The following FRY variants were observed in gnomAD, a reference collection of about 807,000 sequenced individuals.
FRY encodes the protein protein furry homolog.
In FRY, 128 loss-of-function variants were observed where a neutral mutation model predicts 348.4. The observed-to-expected ratio is 0.37, with a 90% CI of 0.32 to 0.43. The LOEUF (loss-of-function observed/expected upper bound fraction) is 0.43. FRY is among the 20% of genes least tolerant of loss of function. FRY has a pLI of 1.00. For synonymous variants in FRY, 1,370 were observed against 1,374.7 expected (o/e 1.00, Z 0.08); for missense variants, 2,736 against 3,695.2 (o/e 0.74, Z 6.73).
At chr13:32,169,188 A>G (rs959486526) in intron 17 of FRY, among the ~76,000 whole-genome samples, 3 of 152,084 alleles carry the variant, frequency 2.0e-5, no homozygotes, top group African/African-American at 4.8e-5. Flanking sequence ...TCAGGCCCTC[A>G]CCACTTGTTG....
At chr13:32,160,695 A>G (rs205008) in intron 16 of FRY, among the ~76,000 whole-genome samples, 106,028 of 151,934 alleles carry the variant, frequency 0.7, 37,464 homozygotes, top group East Asian at 0.98. Context: ...CAGGACAAAG[A>G]GCTCTAGGGG....
chr13:32,098,182 A>G (rs1876887482), intron 2 of FRY, among the ~76,000 whole-genome samples: 1 of 152,096 alleles, frequency 6.6e-6, no homozygotes, highest in Non-Finnish European at 1.5e-5. Context: ...ATGTGTATTC[A>G]TCTAAAATAC....
chr13:32,108,969 A>C (rs1211575352), intron 3 of FRY, among the ~76,000 whole-genome samples: 1 of 152,188 alleles, frequency 6.6e-6, no homozygotes, highest in Non-Finnish European at 1.5e-5. Context: ...GGCTGTATGC[A>C]TACCAGTATC....
intron 14 of FRY, among the ~76,000 whole-genome samples, chr13:32,150,749 A>G (rs540413116): frequency 7.2e-5 from 11 of 152,340 alleles, no homozygotes; most frequent in African/African-American, 2.4e-4. Flanking sequence ...TGGCTCCTTC[A>G]TTCTGTCAGT....
At chr13:32,075,939 G>C (rs1875021071) in intron 1 of FRY, among the ~76,000 whole-genome samples, 2 of 152,206 alleles carry the variant, frequency 1.3e-5, no homozygotes. Context: ...GCTCAGTAAG[G>C]CTGTTCATAT....
In FRY at chr13:32,244,179, G is replaced by T. The variant is rs1445659139; in HGVS notation, c.6825G>T (p.Val2275=). 2 of 1,612,940 alleles carry T rather than the reference G, an allele frequency of 1.2e-6. No homozygotes were observed. The highest frequency in any genetic ancestry group is 1.7e-6 in the Non-Finnish European group (2 of 1,179,012). ...TTCTGAAGACAATTGAAAAATATGT[G>T]CAAGTGAGTACTTGGATAACTTCAC... The part of the protein sequence containing the change: ...VEVLKTIEKY[V]QSVHWREALN... The change falls in exon 47 of 61, where the codon GTG becomes GTT. Residue 2275 remains valine, a synonymous_variant. Transcript: ENST00000542859.
In FRY at chr13:32,082,361, A is replaced by T. The variant is rs112114688; in HGVS notation, c.270+3328A>T. Reference sequence around the variant, plus strand: ...GCTCAGGTCATATTCATGAATATTTATGGATAAGTCAATAATTTTATTCTA... The same window carrying T: ...GCTCAGGTCATATTCATGAATATTTTTGGATAAGTCAATAATTTTATTCTA... On this transcript the variant is annotated intron_variant, in intron 2 of 60. Transcript: ENST00000542859. Among the ~76,000 whole-genome samples the T allele has an allele frequency of 3.9e-3, 590 of 152,164 alleles. 3 individuals carry two copies. Among genetic ancestry groups the T allele is most frequent in the African/African-American group, 0.014 (567 of 41,538 alleles).
chr13:32,286,229 T>C (rs1889042787), intron 58 of FRY, among the ~76,000 whole-genome samples: 1 of 152,210 alleles, frequency 6.6e-6, no homozygotes, highest in African/African-American at 2.4e-5. Flanking sequence ...AAACCGATGA[T>C]AACTCAGATA....
At chr13:32,093,494 C>T (rs929866788) in intron 2 of FRY, among the ~76,000 whole-genome samples, 2 of 152,064 alleles carry the variant, frequency 1.3e-5, no homozygotes, top group East Asian at 1.9e-4. Context: ...ATCTTTTTGG[C>T]GTAACGTAAT....
intron 59 of FRY, among the ~76,000 whole-genome samples, chr13:32,293,372 G>C (rs919435940): frequency 6.6e-6 from 1 of 152,148 alleles, no homozygotes; most frequent in African/African-American, 2.4e-5. Flanking sequence ...TCTGTAGTAG[G>C]TAGTTGCATT....
chr13:32,261,421 C>T (rs1887639925), intron 51 of FRY, 195 bp from the exon 52 acceptor site: 4 of 760,022 alleles, frequency 5.3e-6, no homozygotes, highest in Non-Finnish European at 9.6e-6. Flanking sequence ...TATGACTTCA[C>T]ATGAGTTTAC....
chr13:32,249,417 A>G (rs1413416525), intron 48 of FRY, 109 bp from the exon 49 acceptor site: 4 of 1,178,144 alleles, frequency 3.4e-6, no homozygotes, highest in Non-Finnish European at 4.9e-6. Context: ...GAACTTCTCT[A>G]ATCTGATTTT....
In FRY at chr13:32,179,711, C is replaced by T; in HGVS notation, c.2908C>T (p.Gln970Ter). The change falls in exon 23 of 61, where the codon CAG becomes TAG. Residue 970 changes from glutamine (Q) to a stop codon, truncating the protein, a stop_gained. Transcript: ENST00000542859. LOFTEE classifies it high-confidence loss of function. ...CCCATCGGTGGGAGTTCTGTTAAAG[C>T]AGTTGGTGCCTTTGATGAGACTAGA... ...GTPSVGVLLK[Q>*]LVPLMRLESI... 1 of 1,613,526 alleles carries T rather than the reference C, an allele frequency of 6.2e-7. No individual in the cohort carries two copies. Among genetic ancestry groups the T allele is most frequent in the South Asian group, 1.1e-5 (1 of 91,060 alleles).
At chr13:32,212,636 C>T (rs1884750925) in intron 35 of FRY, among the ~76,000 whole-genome samples, 1 of 152,140 alleles carries the variant, frequency 6.6e-6, no homozygotes, top group African/African-American at 2.4e-5. Context: ...TCGCATACCT[C>T]AGGGCTTAGT....
At chr13:32,084,548 A>G (rs1875727276) in intron 2 of FRY, among the ~76,000 whole-genome samples, 1 of 152,154 alleles carries the variant, frequency 6.6e-6, no homozygotes, top group South Asian at 2.1e-4. Context: ...TGCTATCTCC[A>G]CACAATCATG....
intron 11 of FRY, among the ~76,000 whole-genome samples, chr13:32,144,297 C>T (rs765149009): frequency 1.2e-4 from 17 of 144,524 alleles, no homozygotes; most frequent in Non-Finnish European, 2.4e-4. Flanking sequence ...AAACAAATAG[C>T]TATAAAGTTC....
intron 28 of FRY, among the ~76,000 whole-genome samples, chr13:32,190,294 T>G (rs150980848): frequency 1.8e-3 from 280 of 152,148 alleles, no homozygotes; most frequent in African/African-American, 6.4e-3. Flanking sequence ...TCACCACCTC[T>G]ATCAACATCA....
In FRY at chr13:32,202,239, T is replaced by C. The variant is rs561205127; in HGVS notation, c.3847-117T>C. ...AACTGATGTTTTACCTTTAATTCTA[T>C]TTTTAAATGGGAATTAATTAATTTT... On this transcript the variant is annotated intron_variant, in intron 30 of 60. Transcript: ENST00000542859. 9.1e-4 allele frequency: 815 copies of C among 896,834 alleles called. 2 individuals are homozygous for C. The highest frequency in any genetic ancestry group is 1.4e-3 in the Non-Finnish European group (740 of 542,766). The allele number at this position is 896,834 out of a possible 1,614,324, so 55.6% of individuals were successfully genotyped here.
intron 16 of FRY, among the ~76,000 whole-genome samples, chr13:32,159,681 C>G (rs1018631333): frequency 5.3e-5 from 8 of 152,054 alleles, no homozygotes; most frequent in African/African-American, 1.9e-4. Flanking sequence ...CAGAGTTCGC[C>G]CTTACACTTC....
Sources: allele counts gnomAD v4.1 joint callset (sites outside exome capture counted in the v4.1 genomes callset), GRCh38; gene constraint gnomAD v4.1.1; transcripts MANE v1.5; gene names NCBI Gene and HGNC (gene_info 2026-07-23, HGNC 2026-07-21).